MFSD1: variants seen among roughly 807,000 people sequenced by gnomAD.
MFSD1 encodes the protein major facilitator superfamily domain containing 1.
MFSD1 carries 59 observed loss-of-function variants against 67.1 expected under a neutral mutation model. The ratio of observed to expected loss-of-function variants is 0.88; its 90% CI spans 0.71 to 1.09. The LOEUF is 1.09. Among genes scored for constraint, MFSD1 ranks in the 50% least tolerant of loss-of-function variants. The pLI is 0.00. For missense variants in MFSD1, 552 were observed against 566.1 expected (o/e 0.97, Z 0.25); for synonymous variants, 213 against 200.3 (o/e 1.06, Z -0.54).
intron 7 of MFSD1, among the ~76,000 whole-genome samples, chr3:158,814,939 G>C (rs1367180560): frequency 6.6e-6 from 1 of 152,046 alleles, no homozygotes; most frequent in East Asian, 1.9e-4. Context: ...AAAATTAGCT[G>C]GGCGTGGTGG....
chr3:158,825,206 T>G (rs999143451), intron 13 of MFSD1: 2 of 152,192 alleles, frequency 1.3e-5, no homozygotes, highest in African/African-American at 4.8e-5. Flanking sequence ...TCACCCAGAC[T>G]GGAATGCAGT....
At chr3:158,824,864 A>C (rs1268038399) in intron 13 of MFSD1, among the ~76,000 whole-genome samples, 1 of 152,196 alleles carries the variant, frequency 6.6e-6, no homozygotes, top group Non-Finnish European at 1.5e-5. Context: ...GGGAATAAAG[A>C]CCATCCATAC....
chr3:158,827,360 G>A (rs764297781), intron 15 of MFSD1, 23 bp downstream of exon 15: 3 of 1,362,016 alleles, frequency 2.2e-6, no homozygotes, highest in South Asian at 2.9e-5. Flanking sequence ...AGGGTAAAAA[G>A]TTGTCTTTAT....
Position 158,821,977 on chromosome 3 carries a change from T to G in MFSD1, c.921-7T>G. ...TTCATGAAATGTCTTATGTGTTCTCTGGGCAGTGTTGTATATGTCATATCA... is the reference window on the plus strand; with the variant it reads ...TTCATGAAATGTCTTATGTGTTCTCGGGGCAGTGTTGTATATGTCATATCA... On this transcript the variant is annotated splice_region_variant and splice_polypyrimidine_tract_variant and intron_variant, in intron 10 of 15. Transcript: ENST00000415822. 1 of 1,609,186 alleles carries G rather than the reference T, an allele frequency of 6.2e-7. No homozygotes were observed. The highest frequency in any genetic ancestry group is 8.5e-7 in the Non-Finnish European group (1 of 1,176,086).
At position 158,809,238 on chromosome 3, in the gene MFSD1, G is replaced by A. The variant is rs757107037; in HGVS notation, c.500G>A (p.Gly167Asp). ...QNTYAVSWFK[G>D]KELNLVFGLQ... ...ACATATGCTGTGAGCTGGTTTAAAG[G>A]CAAAGAATTAAACCTGGTGTTTGGA... Residue 167 changes from glycine to aspartate, a missense_variant, in exon 6 of 16, where the codon GGC becomes GAC. Coordinates refer to ENST00000415822, the MANE Select transcript of MFSD1 (RefSeq NM_022736.4). 4 of 1,611,504 alleles carry A rather than the reference G, an allele frequency of 2.5e-6. No homozygotes were observed. Among genetic ancestry groups the A allele is most frequent in the African/African-American group, 1.3e-5 (1 of 74,758 alleles).
chr3:158,825,143 T>C (rs1303121454), intron 13 of MFSD1: 1 of 152,198 alleles, frequency 6.6e-6, no homozygotes, highest in Non-Finnish European at 1.5e-5. Flanking sequence ...AATATGTTTT[T>C]CTGTTATTTT....
In MFSD1 at chr3:158,829,123, A is replaced by G; in HGVS notation, c.*141A>G. ...ATTTATATCCAAATATACCTATTTC[A>G]AAGTGTATTTGTGAGGCCTGTTTTA... On this transcript the variant is annotated 3_prime_UTR_variant, in exon 16 of 16. Transcript: ENST00000415822. The G allele has an allele frequency of 1.4e-6, 1 of 695,910 alleles. No homozygotes were observed. The highest frequency in any genetic ancestry group is 2.2e-6 in the Non-Finnish European group (1 of 452,300). The allele number at this position is 695,910 out of a possible 1,614,324, so 43.1% of individuals were successfully genotyped here.
chr3:158,828,993 T>G lies in MFSD1; in HGVS notation c.*11T>G, dbSNP rs1223529558. ...ATGTTTTGCAGATGAGAAGTTAAAA[T>G]GAATGTGTCATGAGAATGGGCTTAA... On this transcript the variant is annotated 3_prime_UTR_variant, in exon 16 of 16. Coordinates refer to ENST00000415822, the MANE Select transcript of MFSD1 (RefSeq NM_022736.4). The G allele has an allele frequency of 6.2e-7, 1 of 1,604,776 alleles. No homozygotes were observed. The highest frequency in any genetic ancestry group is 1.3e-5 in the African/African-American group (1 of 74,678).
intron 7 of MFSD1, among the ~76,000 whole-genome samples, chr3:158,819,281 G>T (rs1333122617): frequency 6.6e-6 from 1 of 152,132 alleles, no homozygotes; most frequent in Non-Finnish European, 1.5e-5. Flanking sequence ...TTTTTTCCCT[G>T]GTGTCCATTG....
chr3:158,812,428 G>A (rs1404118696), intron 6 of MFSD1, among the ~76,000 whole-genome samples: 2 of 152,138 alleles, frequency 1.3e-5, no homozygotes, highest in Non-Finnish European at 2.9e-5. Flanking sequence ...GGCTGCCTGC[G>A]ATCTGGCTCA....
At chr3:158,807,281 T>A in intron 4 of MFSD1, 115 bp from the exon 5 acceptor site, 1 of 980,146 alleles carries the variant, frequency 1.0e-6, no homozygotes, top group Non-Finnish European at 1.6e-6. Context: ...ACAGATTTAT[T>A]AAGGAGAAAT....
intron 6 of MFSD1, among the ~76,000 whole-genome samples, chr3:158,810,813 T>A (rs917073523): frequency 3.9e-5 from 6 of 152,242 alleles, no homozygotes; most frequent in Admixed American, 1.3e-4. Flanking sequence ...AGCTAAATAT[T>A]TGAATTTGTA....
chr3:158,817,183 T>C (rs1730409280), intron 7 of MFSD1, among the ~76,000 whole-genome samples: 1 of 152,126 alleles, frequency 6.6e-6, no homozygotes, highest in Non-Finnish European at 1.5e-5. Context: ...CTTTGAAAAC[T>C]GGCACAAGAC....
chr3:158,808,666 C>G (rs186803589), intron 5 of MFSD1, among the ~76,000 whole-genome samples: 1 of 152,140 alleles, frequency 6.6e-6, no homozygotes, highest in East Asian at 1.9e-4. Flanking sequence ...ATAAAACTAC[C>G]ATTTCATTAT....
chr3:158,815,965 C>T (rs1007733804), intron 7 of MFSD1, among the ~76,000 whole-genome samples: 6 of 152,144 alleles, frequency 3.9e-5, no homozygotes, highest in Non-Finnish European at 8.8e-5. Flanking sequence ...CATCCATGTC[C>T]CTACAAAGGA....
At chr3:158,822,327 G>A (rs1377970972) in intron 11 of MFSD1, 187 bp downstream of exon 11, 1 of 385,246 alleles carries the variant, frequency 2.6e-6, no homozygotes, top group Non-Finnish European at 4.6e-6. Flanking sequence ...AACATATAAG[G>A]TATCTTTTAA....
intron 7 of MFSD1, 83 bp from the exon 8 acceptor site, chr3:158,819,566 T>TATGTA (rs1334683010): frequency 7.4e-6 from 5 of 679,752 alleles, no homozygotes; most frequent in Non-Finnish European, 1.2e-5. Flanking sequence ...TTTTGCTGTT[T>TATGTA]ATGTAATGTA....
chr3:158,814,382 G>A (rs756211480), intron 7 of MFSD1, among the ~76,000 whole-genome samples: 22 of 152,036 alleles, frequency 1.4e-4, no homozygotes, highest in Admixed American at 5.2e-4. Flanking sequence ...GTTCAGTGGC[G>A]CGATCTCGGC....
chr3:158,805,483 G>A lies in MFSD1; in HGVS notation c.329+9G>A. The stretch of plus-strand genomic sequence containing the variant: ...CGAGTATTTGGAATACGGTAAGCTT[G>A]AAAAGAAACTATGGGTAAATCTTAC... On this transcript the variant is annotated intron_variant, in intron 3 of 15. Coordinates refer to ENST00000415822, the MANE Select transcript of MFSD1 (RefSeq NM_022736.4). The A allele has an allele frequency of 6.4e-7, 1 of 1,571,718 alleles. No homozygotes were observed. Among genetic ancestry groups the A allele is most frequent in the South Asian group, 1.1e-5 (1 of 90,172 alleles).
Sources: allele counts gnomAD v4.1 joint callset (sites outside exome capture counted in the v4.1 genomes callset), GRCh38; gene constraint gnomAD v4.1.1; transcripts MANE v1.5; gene names NCBI Gene and HGNC (gene_info 2026-07-23, HGNC 2026-07-21).